NCKAP1L: variants seen among roughly 807,000 people sequenced by gnomAD.
NCKAP1L encodes the protein NCK associated protein 1 like.
A neutral mutation model predicts 139.2 loss-of-function variants in NCKAP1L; 53 were observed. The ratio of observed to expected loss-of-function variants is 0.38; its 90% CI spans 0.31 to 0.48. The LOEUF (loss-of-function observed/expected upper bound fraction) is 0.48, where lower values mean the gene tolerates loss of function less well. NCKAP1L is among the 20% of genes least tolerant of loss of function. The probability of loss-of-function intolerance (pLI) is 0.98; values close to 1 mark genes in which losing one functional copy is unlikely to be tolerated. For missense variants in NCKAP1L, 1,151 were observed against 1,381.9 expected (o/e 0.83, Z 2.65); for synonymous variants, 468 against 499.7 (o/e 0.94, Z 0.85).
chr12:54,525,040 A>G (rs549321935), intron 20 of NCKAP1L, among the ~76,000 whole-genome samples: 2 of 152,348 alleles, frequency 1.3e-5, no homozygotes, highest in Admixed American at 6.5e-5. Flanking sequence ...TTCAAGGGAC[A>G]TGGAGAAAGA....
intron 3 of NCKAP1L, among the ~76,000 whole-genome samples, chr12:54,501,567 C>T (rs1043213202): frequency 1.3e-5 from 2 of 151,482 alleles, no homozygotes; most frequent in African/African-American, 4.9e-5. Flanking sequence ...TGTAGTGGTG[C>T]AATCACAGCT....
At chr12:54,529,262 C>G (rs1957049739) in intron 22 of NCKAP1L, among the ~76,000 whole-genome samples, 1 of 152,194 alleles carries the variant, frequency 6.6e-6, no homozygotes, top group African/African-American at 2.4e-5. Flanking sequence ...GCGCTGCCTT[C>G]CAGTGTCTAG....
rs1220340341 is a variant in NCKAP1L at position 54,531,266 on chromosome 12, G to A, written c.2513G>A (p.Arg838Gln). Reference protein sequence around the residue: ...AEEFSDISEMRALAELLGPYG... With the variant: ...AEEFSDISEMQALAELLGPYG... ...CTCTGTAACTCTGTTCCAGAGATGC[G>A]GGCCTTGGCAGAACTCCTGGGCCCC... Residue 838 changes from arginine (R) to glutamine (Q), a missense_variant, in exon 23 of 31, where the codon CGG becomes CAG. By Grantham distance (43) the Arg-to-Gln change is conservative. Transcript: ENST00000293373. The A allele has an allele frequency of 6.2e-6, 10 of 1,614,006 alleles. No homozygotes were observed. The highest frequency in any genetic ancestry group is 1.1e-5 in the South Asian group (1 of 91,076).
At position 54,509,604 on chromosome 12, in the gene NCKAP1L, CA is replaced by C. The variant is rs373702631; in HGVS notation, c.507-62del. On this transcript the variant is annotated intron_variant, in intron 5 of 30. Transcript: ENST00000293373. ...TATGCACATATCTTTATCCTATATGCAAACATAAGAGTTCAAGTCATGGGTA... is the reference window on the plus strand; with the variant it reads ...TATGCACATATCTTTATCCTATATGCAACATAAGAGTTCAAGTCATGGGTA... The C allele has an allele frequency of 3.1e-4, 345 of 1,125,486 alleles. 1 individual carries two copies. The African/African-American group carries it at 3.9e-3, about 13-fold the overall frequency. 69.7% of individuals were successfully genotyped at this position (1,125,486 alleles called of 1,614,324 possible). A position where few individuals can be genotyped will look rare whatever the true frequency, so the allele number is the denominator to read the frequency against.
At chr12:54,516,478 G>A (rs1294730196) in intron 10 of NCKAP1L, among the ~76,000 whole-genome samples, 183 bp downstream of exon 10, 4 of 146,284 alleles carry the variant, frequency 2.7e-5, no homozygotes, top group East Asian at 2.0e-4. Flanking sequence ...ACAGAGTCTC[G>A]CTCTGTTGCC....
intron 24 of NCKAP1L, 61 bp downstream of exon 24, chr12:54,531,645 G>T: frequency 6.2e-7 from 1 of 1,602,968 alleles, no homozygotes; most frequent in African/African-American, 1.3e-5. Context: ...AGATGACAGG[G>T]TTTTCAGGAA....
rs142531212 is a variant in NCKAP1L, at chr12:54,507,762, C to A, written c.307-91C>A. 784 of 1,228,824 alleles carry A rather than the reference C, an allele frequency of 6.4e-4. 7 individuals are homozygous for A. The East Asian group carries it at 0.015, about 23-fold the overall frequency. 76.1% of individuals were successfully genotyped at this position (1,228,824 alleles called of 1,614,324 possible). Reference sequence around the variant, plus strand: ...GTTACTTGGTGGCTTTCTAGGACCTCTAAGGGAGAGGTCCCTTTCCCTCAA... The same window carrying A: ...GTTACTTGGTGGCTTTCTAGGACCTATAAGGGAGAGGTCCCTTTCCCTCAA... On this transcript the variant is annotated intron_variant, in intron 3 of 30. Transcript: ENST00000293373.
intron 2 of NCKAP1L, 29 bp downstream of exon 2, chr12:54,499,494 C>A: frequency 7.9e-7 from 1 of 1,259,258 alleles, no homozygotes; most frequent in African/African-American, 1.5e-5. Flanking sequence ...TCTCCTTTCT[C>A]TGAATAATTC....
At chr12:54,507,235 C>A (rs1002415664) in intron 3 of NCKAP1L, among the ~76,000 whole-genome samples, 3 of 151,828 alleles carry the variant, frequency 2.0e-5, no homozygotes, top group Non-Finnish European at 2.9e-5. Flanking sequence ...AGTGTGGGTG[C>A]TGATGTTGGG....
rs775107668 is a variant in NCKAP1L at position 54,526,605 on chromosome 12, A to G, written c.2234A>G (p.Lys745Arg). ...CCTTCTGAGCTGTTGGCAGGAGTCA[A>G]AGCATACATTGGTTTCATACAGTCA... ...VRPSELLAGV[K>R]AYIGFIQSLA... Residue 745 changes from lysine (K) to arginine (R), a missense_variant, in exon 21 of 31, where the codon AAA (lysine) becomes AGA (arginine). Transcript: ENST00000293373. 1 of 1,614,102 alleles carries G rather than the reference A, an allele frequency of 6.2e-7. No homozygotes were observed. The highest frequency in any genetic ancestry group is 1.1e-5 in the South Asian group (1 of 91,072).
chr12:54,500,659 A>C (rs1359325824), intron 3 of NCKAP1L, 34 bp downstream of exon 3: 9 of 1,332,924 alleles, frequency 6.8e-6, no homozygotes, highest in Non-Finnish European at 9.7e-6. Context: ...AATGTAGGCA[A>C]GGTCTTTCAG....
rs778967813 is a variant in NCKAP1L, at chr12:54,517,591, G to T, written c.1154G>T (p.Arg385Leu). 2 of 1,613,996 alleles carry T rather than the reference G, an allele frequency of 1.2e-6. No individual in the cohort carries two copies. Among genetic ancestry groups the T allele is most frequent in the South Asian group, 1.1e-5 (1 of 91,060 alleles). Residue 385 changes from arginine to leucine, a missense_variant, in exon 12 of 31, where the codon CGC becomes CTC. Transcript: ENST00000293373. Reference sequence around the variant, plus strand: ...CGTGATGAGGTCACCTGGCTGGTTCGCCACACAGAGAATGTCACCAAGACA... The same window carrying T: ...CGTGATGAGGTCACCTGGCTGGTTCTCCACACAGAGAATGTCACCAAGACA... ...FIRDEVTWLV[R>L]HTENVTKTKT...
At chr12:54,529,046 C>T (rs1254075079) in intron 22 of NCKAP1L, among the ~76,000 whole-genome samples, 1 of 152,162 alleles carries the variant, frequency 6.6e-6, no homozygotes, top group African/African-American at 2.4e-5. Flanking sequence ...GGGCTAAGTT[C>T]TAAGTGTTTA....
In NCKAP1L at chr12:54,497,879, T is replaced by C. The variant is rs368566387; in HGVS notation, c.90T>C (p.Tyr30=). 5.6e-5 allele frequency: 89 copies of C among 1,600,368 alleles called. No individual in the cohort carries two copies. In the Middle Eastern group the frequency reaches 4.0e-3, roughly 71 times the overall value. ...DRGQGVLIRM[Y]NIKKTCSDPK... is the part of the protein sequence containing the mutation. ...GTCAGGGGGTTCTCATCCGTATGTATAACATCAAGAAGGTAAGCATGAACA... is the reference window on the plus strand; with the variant it reads ...GTCAGGGGGTTCTCATCCGTATGTACAACATCAAGAAGGTAAGCATGAACA... Residue 30 remains tyrosine, a synonymous_variant, in exon 1 of 31, where the codon TAT becomes TAC. Coordinates refer to ENST00000293373, the MANE Select transcript of NCKAP1L (RefSeq NM_005337.5).
chr12:54,518,560 C>T, intron 13 of NCKAP1L, 91 bp from the exon 14 acceptor site: 1 of 998,608 alleles, frequency 1.0e-6, no homozygotes, highest in East Asian at 2.4e-5. Context: ...GCAATTCTTT[C>T]TACCTTCATA....
In NCKAP1L at chr12:54,499,351, G is replaced by A. The variant is rs780024854; in HGVS notation, c.103-4G>A. The A allele has an allele frequency of 7.3e-6, 11 of 1,512,754 alleles. No homozygotes were observed. The East Asian group carries it at 2.3e-4, about 31-fold the overall frequency. The allele number at this position is 1,512,754 out of a possible 1,614,324, so 93.7% of individuals were successfully genotyped here. A position where few individuals can be genotyped will look rare whatever the true frequency, so the allele number is the denominator to read the frequency against. On this transcript the variant is annotated splice_region_variant and splice_polypyrimidine_tract_variant and intron_variant, in intron 1 of 30. Coordinates refer to ENST00000293373, the MANE Select transcript of NCKAP1L (RefSeq NM_005337.5). The stretch of plus-strand genomic sequence containing the variant: ...GTTGAAATATATATGGTTTCTCTCT[G>A]CAGACTTGTTCAGACCCCAAATCTA...
chr12:54,513,307 A>T (rs1214616621), intron 9 of NCKAP1L, among the ~76,000 whole-genome samples: 1 of 152,224 alleles, frequency 6.6e-6, no homozygotes, highest in East Asian at 1.9e-4. Flanking sequence ...GTTAGTTTTA[A>T]ACAGGTTGAC....
In NCKAP1L at chr12:54,543,994, A is replaced by G. The variant is rs923871841; in HGVS notation, c.*1309A>G. 1 of 152,206 alleles carries G rather than the reference A, an allele frequency of 6.6e-6. No homozygotes were observed. Among genetic ancestry groups the G allele is most frequent in the African/African-American group, 2.4e-5 (1 of 41,438 alleles). 9.4% of individuals were successfully genotyped at this position (152,206 alleles called of 1,614,324 possible). ...ATTCAGCCTTCCTGAAGCCTATTTGATAGCTGTTTTGGGGTTTTGTACATG... is the reference window on the plus strand; with the variant it reads ...ATTCAGCCTTCCTGAAGCCTATTTGGTAGCTGTTTTGGGGTTTTGTACATG... On this transcript the variant is annotated 3_prime_UTR_variant, in exon 31 of 31. Transcript: ENST00000293373.
chr12:54,506,794 A>ATATATATATATATATAT (rs1468649208), intron 3 of NCKAP1L, among the ~76,000 whole-genome samples: 64 of 23,708 alleles, frequency 2.7e-3, no homozygotes, highest in South Asian at 9.0e-3. Flanking sequence ...TTAAAAAAAA[A>ATATATATATATATATAT]AAATATATAT....
Sources: allele counts gnomAD v4.1 joint callset (sites outside exome capture counted in the v4.1 genomes callset), GRCh38; gene constraint gnomAD v4.1.1; transcripts MANE v1.5; gene names NCBI Gene and HGNC (gene_info 2026-07-23, HGNC 2026-07-21).